The following METTL8 variants were observed in gnomAD, a reference collection of about 807,000 sequenced individuals.
The protein encoded by METTL8 is methyltransferase 8, tRNA N3-cytidine.
Under a neutral mutation model 48.7 loss-of-function variants are expected in METTL8, and 32 were observed. The observed-to-expected ratio is 0.66, with a 90% confidence interval of 0.50 to 0.88. The LOEUF (loss-of-function observed/expected upper bound fraction) is 0.88. Ranked by LOEUF, METTL8 falls within the 40% of genes least tolerant of loss-of-function variation. The probability of loss-of-function intolerance (pLI) is 0.00; values close to 1 mark genes in which losing one functional copy is unlikely to be tolerated. For missense variants in METTL8, 464 were observed against 474.4 expected (o/e 0.98, Z 0.20); for synonymous variants, 136 against 157.1 (o/e 0.87, Z 1.01).
chr2:171,338,525 A>C (rs1013500977), intron 4 of METTL8, among the ~76,000 whole-genome samples: 1 of 152,028 alleles, frequency 6.6e-6, no homozygotes, highest in African/African-American at 2.4e-5. Flanking sequence ...CTGTAATCCC[A>C]GCTACTCAGG....
At chr2:171,415,644 C>G (rs1450159960) in intron 1 of METTL8, among the ~76,000 whole-genome samples, 1 of 152,054 alleles carries the variant, frequency 6.6e-6, no homozygotes, top group East Asian at 1.9e-4. Context: ...GCTACCACGC[C>G]TGGCCTAAAA....
At chr2:171,364,726 G>T (rs73021082) in intron 2 of METTL8, among the ~76,000 whole-genome samples, 5,415 of 152,170 alleles carry the variant, frequency 0.036, 323 homozygotes, top group African/African-American at 0.12. Flanking sequence ...TAAAGTTTTT[G>T]ATAATCTTAC....
At chr2:171,329,668 A>C (rs1466094749) in intron 7 of METTL8, among the ~76,000 whole-genome samples, 1 of 152,252 alleles carries the variant, frequency 6.6e-6, no homozygotes, top group Non-Finnish European at 1.5e-5. Flanking sequence ...CAAAGTGCTC[A>C]TTTCTGAATG....
chr2:171,404,272 G>A (rs1689959344), intron 1 of METTL8, among the ~76,000 whole-genome samples: 3 of 151,548 alleles, frequency 2.0e-5, no homozygotes, highest in South Asian at 2.1e-4. Flanking sequence ...AAATGCCTAC[G>A]TGATAAGATG....
At chr2:171,402,666 T>A (rs1404174776) in intron 1 of METTL8, among the ~76,000 whole-genome samples, 1 of 152,094 alleles carries the variant, frequency 6.6e-6, no homozygotes, top group Non-Finnish European at 1.5e-5. Context: ...AGTCATCACA[T>A]CCCGGTGGCA....
At chr2:171,405,485 AAC>A (rs1690080774) in intron 1 of METTL8, among the ~76,000 whole-genome samples, 1 of 152,192 alleles carries the variant, frequency 6.6e-6, no homozygotes, top group African/African-American at 2.4e-5. Context: ...GCCAGCAGAA[AAC>A]AGTTTAATCA....
At chr2:171,417,368 C>A (rs1691419347) in intron 1 of METTL8, among the ~76,000 whole-genome samples, 1 of 152,096 alleles carries the variant, frequency 6.6e-6, no homozygotes. Context: ...GAAATTTAGC[C>A]ATAATCACCA....
intron 1 of METTL8, among the ~76,000 whole-genome samples, chr2:171,405,537 A>T (rs1413433584): frequency 6.6e-6 from 1 of 152,232 alleles, no homozygotes; most frequent in Non-Finnish European, 1.5e-5. Flanking sequence ...ATGAATGTAG[A>T]TGACTGACAG....
intron 1 of METTL8, among the ~76,000 whole-genome samples, chr2:171,428,670 T>C (rs918243655): frequency 3.9e-5 from 6 of 152,204 alleles, no homozygotes; most frequent in Admixed American, 1.3e-4. Context: ...GACAGACAAA[T>C]GACAATTCTA....
chr2:171,375,604 A>T (rs986597895), intron 2 of METTL8, among the ~76,000 whole-genome samples: 1 of 152,144 alleles, frequency 6.6e-6, no homozygotes, highest in Admixed American at 6.5e-5. Flanking sequence ...TACCATCTGT[A>T]TATCTTCTTT....
intron 1 of METTL8, among the ~76,000 whole-genome samples, chr2:171,433,498 CAT>C (rs1317999472): frequency 1.8e-4 from 27 of 152,160 alleles, no homozygotes; most frequent in Admixed American, 1.8e-3. Flanking sequence ...CGGTGGGACA[CAT>C]GTGGTGCAAG....
At chr2:171,357,238 C>A (rs910425139) in intron 3 of METTL8, among the ~76,000 whole-genome samples, 1 of 152,036 alleles carries the variant, frequency 6.6e-6, no homozygotes. Context: ...GGATTACAGG[C>A]GTAAGCCCCT....
At chr2:171,417,340 G>A (rs530664823) in intron 1 of METTL8, among the ~76,000 whole-genome samples, 2 of 151,252 alleles carry the variant, frequency 1.3e-5, no homozygotes, top group Admixed American at 6.6e-5. Flanking sequence ...TCAGTATGCT[G>A]AAGAAGAGAG....
chr2:171,393,883 A>G (rs892579464), intron 1 of METTL8, among the ~76,000 whole-genome samples: 1 of 152,156 alleles, frequency 6.6e-6, no homozygotes, highest in Non-Finnish European at 1.5e-5. Context: ...AAAATTCAAG[A>G]TTTTCCTTTT....
At chr2:171,414,678 T>C (rs568375504) in intron 1 of METTL8, 4 of 146,818 alleles carry the variant, frequency 2.7e-5, no homozygotes, top group African/African-American at 5.1e-5. Flanking sequence ...CAGTGAGCCA[T>C]AATTGCACCA....
In METTL8 at chr2:171,414,233, C is replaced by A. The variant is rs187035176; in HGVS notation, c.-13+19650G>T. On this transcript the variant is annotated intron_variant, in intron 1 of 9. Transcript: ENST00000375258. Reference sequence around the variant, plus strand: ...GGGAGTTTGAGACCAGCCTGACCAACGTGGAGAAACCCCATTTCTACTAAA... The same window carrying A: ...GGGAGTTTGAGACCAGCCTGACCAAAGTGGAGAAACCCCATTTCTACTAAA... Among the ~76,000 whole-genome samples the A allele has an allele frequency of 5.4e-3, 829 of 152,140 alleles. 11 individuals carry two copies. Among genetic ancestry groups the A allele is most frequent in the African/African-American group, 0.019 (791 of 41,492 alleles).
At chr2:171,370,467 C>T (rs1433710789) in intron 2 of METTL8, among the ~76,000 whole-genome samples, 3 of 152,068 alleles carry the variant, frequency 2.0e-5, no homozygotes, top group Non-Finnish European at 4.4e-5. Flanking sequence ...TTTTCTCTCT[C>T]CTTTGGTTTT....
chr2:171,363,238 A>G (rs898212293), intron 2 of METTL8, among the ~76,000 whole-genome samples: 2 of 151,262 alleles, frequency 1.3e-5, no homozygotes, highest in African/African-American at 4.9e-5. Context: ...TTTTTACACC[A>G]CAGTTACAGA....
At chr2:171,406,931 T>C (rs1690240606) in intron 1 of METTL8, among the ~76,000 whole-genome samples, 1 of 152,190 alleles carries the variant, frequency 6.6e-6, no homozygotes, top group South Asian at 2.1e-4. Flanking sequence ...AGTTTTCTGT[T>C]ATCTGCTACC....
Sources: gnomAD v4.1 joint callset for allele counts (sites outside exome capture counted in the v4.1 genomes callset) on GRCh38, gnomAD v4.1.1 for gene constraint, MANE v1.5 for transcripts, NCBI Gene and HGNC (gene_info 2026-07-23, HGNC 2026-07-21) for gene names.